The following GATAD2A variants were observed in gnomAD, a reference collection of about 807,000 sequenced individuals.
The protein encoded by GATAD2A is transcriptional repressor p66-alpha.
In GATAD2A, 12 loss-of-function variants were observed where a neutral mutation model predicts 68.5. The ratio of observed to expected loss-of-function variants is 0.18; its 90% CI spans 0.11 to 0.28. The LOEUF (loss-of-function observed/expected upper bound fraction) is 0.28. GATAD2A is among the 10% of genes least tolerant of loss of function. GATAD2A has a pLI of 1.00. For missense variants in GATAD2A, 755 were observed against 868.5 expected, an observed-to-expected ratio of 0.87 and a Z score of 1.64; for synonymous variants, 410 against 375.3, an observed-to-expected ratio of 1.09 and a Z score of -1.07.
At chr19:19,477,915 G>T (rs2058783629) in intron 2 of GATAD2A, among the ~76,000 whole-genome samples, 1 of 152,206 alleles carries the variant, frequency 6.6e-6, no homozygotes, top group Non-Finnish European at 1.5e-5. Flanking sequence ...CACAGCCATA[G>T]GGCGTCGCCC....
At chr19:19,490,747 A>T (rs566546962) in intron 2 of GATAD2A, among the ~76,000 whole-genome samples, 3 of 152,296 alleles carry the variant, frequency 2.0e-5, no homozygotes, top group East Asian at 3.9e-4. Flanking sequence ...TTAGCCCGGC[A>T]TGATGGTGCA....
At chr19:19,430,416 G>A (rs2053594178) in intron 1 of GATAD2A, among the ~76,000 whole-genome samples, 1 of 152,222 alleles carries the variant, frequency 6.6e-6, no homozygotes, top group African/African-American at 2.4e-5. Context: ...TGTGAAGGGG[G>A]CATTCAGTTT....
At chr19:19,436,491 G>T (rs2054364278) in intron 1 of GATAD2A, among the ~76,000 whole-genome samples, 1 of 152,262 alleles carries the variant, frequency 6.6e-6, no homozygotes, top group African/African-American at 2.4e-5. Flanking sequence ...TCTCTGAGGG[G>T]CAGGGGCAGA....
intron 1 of GATAD2A, among the ~76,000 whole-genome samples, chr19:19,450,841 G>A (rs536062586): frequency 4.6e-4 from 70 of 151,442 alleles, no homozygotes; most frequent in African/African-American, 1.7e-3. Flanking sequence ...CATGATCTCG[G>A]CTCACTACAA....
intron 1 of GATAD2A, among the ~76,000 whole-genome samples, chr19:19,456,172 G>A (rs3968809): frequency 3.8e-4 from 46 of 122,586 alleles, no homozygotes; most frequent in African/African-American, 1.9e-3. Context: ...AAAAAAAAAA[G>A]AGAGAAAAAG....
chr19:19,397,762 G>A (rs988197868), intron 1 of GATAD2A, among the ~76,000 whole-genome samples: 4 of 150,186 alleles, frequency 2.7e-5, no homozygotes, highest in African/African-American at 9.8e-5. Flanking sequence ...AGACAGAGTC[G>A]CACTCCGTTG....
At chr19:19,421,909 C>A (rs2052470074) in intron 1 of GATAD2A, among the ~76,000 whole-genome samples, 1 of 151,980 alleles carries the variant, frequency 6.6e-6, no homozygotes, top group Non-Finnish European at 1.5e-5. Context: ...GCAACCTCCA[C>A]CCCCTGGGTT....
In GATAD2A at chr19:19,465,181, G is replaced by A. The variant is rs189725090; in HGVS notation, c.-6-159G>A. 5.3e-5 allele frequency among the ~76,000 whole-genome samples: 8 copies of A among 152,324 alleles called. No homozygotes were observed. In the East Asian group the frequency reaches 1.5e-3, roughly 29 times the overall value. Reference sequence around the variant, plus strand: ...GCCTTCCTCAAGGCAGTGATGAAATGTCCTGGGGATGCTTTTCTGGGCCCT... The same window carrying A: ...GCCTTCCTCAAGGCAGTGATGAAATATCCTGGGGATGCTTTTCTGGGCCCT... On this transcript the variant is annotated intron_variant, in intron 1 of 11. Coordinates refer to ENST00000683918, the MANE Select transcript of GATAD2A (RefSeq NM_001384528.1).
chr19:19,385,882 G>T (rs1156798727), exon 1 of GATAD2A: 1 of 151,146 alleles, frequency 6.6e-6, no homozygotes, highest in Non-Finnish European at 1.5e-5. Context: ...GCGGCTCCGA[G>T]CGCTGCGCGG....
At chr19:19,434,695 A>G (rs2054122967) in intron 1 of GATAD2A, among the ~76,000 whole-genome samples, 3 of 152,210 alleles carry the variant, frequency 2.0e-5, no homozygotes, top group Admixed American at 6.5e-5. Flanking sequence ...CCTCTGGCCC[A>G]TAGCCCTGGA....
At chr19:19,499,273 A>G (rs1414736202) in intron 8 of GATAD2A, among the ~76,000 whole-genome samples, 2 of 152,156 alleles carry the variant, frequency 1.3e-5, no homozygotes, top group African/African-American at 4.8e-5. Context: ...GGTGGATCTG[A>G]GTGGCCGAGT....
At chr19:19,466,325 T>A (rs1262928357) in intron 2 of GATAD2A, among the ~76,000 whole-genome samples, 1 of 152,170 alleles carries the variant, frequency 6.6e-6, no homozygotes, top group African/African-American at 2.4e-5. Flanking sequence ...GCATCACCCC[T>A]CCCCTTGGAG....
intron 1 of GATAD2A, among the ~76,000 whole-genome samples, chr19:19,397,729 A>C (rs749671554): frequency 6.6e-6 from 1 of 151,980 alleles, no homozygotes; most frequent in Non-Finnish European, 1.5e-5. Context: ...TTAATACATC[A>C]GAACAGTTTT....
At chr19:19,476,672 C>T (rs1600232214) in intron 2 of GATAD2A, among the ~76,000 whole-genome samples, 2 of 152,256 alleles carry the variant, frequency 1.3e-5, no homozygotes, top group African/African-American at 4.8e-5. Context: ...AGGAGTGGAG[C>T]GAAGGGCAGT....
At position 19,495,823 on chromosome 19, in the gene GATAD2A, T is replaced by A. The variant is rs1403719916; in HGVS notation, c.694T>A (p.Ser232Thr). Residue 232 changes from serine (S) to threonine (T), a missense_variant, in exon 6 of 12, where the codon TCG (serine) becomes ACG (threonine). Transcript: ENST00000683918. ...GGTCCGAGGTGGGCAGCAGGCGTCCTCGAAGCTGGGGCCACAGGCGAGCTC... is the reference window on the plus strand; with the variant it reads ...GGTCCGAGGTGGGCAGCAGGCGTCCACGAAGCTGGGGCCACAGGCGAGCTC... ...PLVRGGQQAS[S>T]KLGPQASSQV... 2 of 1,613,530 alleles carry A rather than the reference T, an allele frequency of 1.2e-6. No individual in the cohort carries two copies. The highest frequency in any genetic ancestry group is 1.7e-6 in the Non-Finnish European group (2 of 1,179,880).
At chr19:19,415,849 C>T (rs1465920481) in intron 1 of GATAD2A, among the ~76,000 whole-genome samples, 4 of 152,022 alleles carry the variant, frequency 2.6e-5, no homozygotes, top group Non-Finnish European at 5.9e-5. Flanking sequence ...ATCCCTTGAC[C>T]TCGTGATCCA....
At chr19:19,402,690 TAAAAAAAA>T (rs914883037), upstream of GATAD2A, 6 of 133,238 alleles carry the variant, frequency 4.5e-5, no homozygotes, top group Non-Finnish European at 9.7e-5. Flanking sequence ...TCTGTCTCAT[TAAAAAAAA>T]AAAGAAAAAA....
At chr19:19,415,966 T>TTC (rs1555804294) in intron 1 of GATAD2A, among the ~76,000 whole-genome samples, 12 of 150,454 alleles carry the variant, frequency 8.0e-5, no homozygotes, top group Non-Finnish European at 5.9e-5. Flanking sequence ...TGGTTTTTTT[T>TTC]CCCCCCCAAG....
chr19:19,494,214 C>A, intron 4 of GATAD2A, 80 bp from the exon 5 acceptor site: 1 of 725,300 alleles, frequency 1.4e-6, no homozygotes. Context: ...TCTTCGGCAG[C>A]ATTAAATCTT....
Sources: gnomAD v4.1 joint callset for allele counts (sites outside exome capture counted in the v4.1 genomes callset) on GRCh38, gnomAD v4.1.1 for gene constraint, MANE v1.5 for transcripts, NCBI Gene and HGNC (gene_info 2026-07-23, HGNC 2026-07-21) for gene names.